The following MCM9 variants were observed in gnomAD, a reference collection of about 807,000 sequenced individuals.
MCM9 encodes DNA helicase MCM9.
Under a neutral mutation model 72.8 loss-of-function variants are expected in MCM9, and 55 were observed. The ratio of observed to expected loss-of-function variants is 0.76; its 90% confidence interval spans 0.61 to 0.95. The LOEUF (loss-of-function observed/expected upper bound fraction) is 0.95, where lower values mean the gene tolerates loss of function less well. MCM9 is among the 40% of genes least tolerant of loss of function. The pLI is 0.00. For missense variants in MCM9, 1,279 were observed against 1,377.0 expected (o/e 0.93, Z 1.13); for synonymous variants, 480 against 503.4 (o/e 0.95, Z 0.62).
At chr6:118,876,431 G>A (rs1414315396) in intron 8 of MCM9, among the ~76,000 whole-genome samples, 1 of 152,178 alleles carries the variant, frequency 6.6e-6, no homozygotes, top group Non-Finnish European at 1.5e-5. Flanking sequence ...TGTAATGAAT[G>A]TACCACTCTG....
intron 8 of MCM9, chr6:118,894,193 T>C (rs558559674): frequency 3.7e-6 from 5 of 1,335,464 alleles, no homozygotes; most frequent in African/African-American, 3.0e-5. Flanking sequence ...CTGCTACTTA[T>C]CAGAGCAGAA....
intron 9 of MCM9, among the ~76,000 whole-genome samples, chr6:118,835,857 T>C (rs190809369): frequency 6.4e-4 from 98 of 152,344 alleles, no homozygotes; most frequent in African/African-American, 2.1e-3. Context: ...CTAGCCTGAT[T>C]GTCCTGGCCA....
At chr6:118,870,293 C>T (rs1397797498) in intron 8 of MCM9, among the ~76,000 whole-genome samples, 2 of 152,124 alleles carry the variant, frequency 1.3e-5, no homozygotes, top group East Asian at 1.9e-4. Flanking sequence ...GAATTCATAT[C>T]AAGTATCTTT....
At chr6:118,821,416 G>T (rs1403018814) in intron 13 of MCM9, among the ~76,000 whole-genome samples, 1 of 152,264 alleles carries the variant, frequency 6.6e-6, no homozygotes, top group Admixed American at 6.5e-5. Flanking sequence ...ATTCTGGGTT[G>T]AAAATTCTTT....
intron 9 of MCM9, among the ~76,000 whole-genome samples, chr6:118,842,756 G>C (rs1382389133): frequency 6.6e-6 from 1 of 152,026 alleles, no homozygotes; most frequent in African/African-American, 2.4e-5. Context: ...CGAGCCTCAA[G>C]TGATCCTCTG....
chr6:118,826,387 G>T (rs1774168734), intron 12 of MCM9, 95 bp from the exon 13 acceptor site: 2 of 1,307,050 alleles, frequency 1.5e-6, no homozygotes, highest in East Asian at 2.5e-5. Context: ...GGCTAAGACC[G>T]CCGTTTACAC....
chr6:118,911,804 C>A (rs757159228), intron 7 of MCM9, 35 bp from the exon 8 acceptor site: 1 of 1,523,900 alleles, frequency 6.6e-7, no homozygotes. Flanking sequence ...TTTTAAATTT[C>A]TATAAAAGGG....
At chr6:118,887,565 G>C (rs2114429551) in intron 8 of MCM9, among the ~76,000 whole-genome samples, 1 of 152,186 alleles carries the variant, frequency 6.6e-6, no homozygotes, top group South Asian at 2.1e-4. Context: ...CGCTGGATTA[G>C]GCAATGGTTT....
intron 13 of MCM9, 85 bp from the exon 14 acceptor site, chr6:118,816,379 C>G: frequency 1.7e-6 from 2 of 1,180,446 alleles, no homozygotes; most frequent in Non-Finnish European, 2.3e-6. Flanking sequence ...CTCTGAGATA[C>G]CATCTTAAAG....
intron 9 of MCM9, among the ~76,000 whole-genome samples, chr6:118,852,798 T>A (rs1308471823): frequency 6.6e-6 from 1 of 152,196 alleles, no homozygotes; most frequent in Non-Finnish European, 1.5e-5. Flanking sequence ...CCTTCTATAG[T>A]CATTCTCTTC....
rs564175402 is a variant in MCM9, at chr6:118,816,163, C to T, written c.2093G>A (p.Ser698Asn). The change falls in exon 14 of 14, where the codon AGC becomes AAC. Residue 698 changes from serine (S) to asparagine (N), a missense_variant. Transcript: ENST00000619706. ...GCCTCCAGGAGAGAAGATATGTGTGCTATAGTTGATTTCCTGCTGTGATGA... is the reference window on the plus strand; with the variant it reads ...GCCTCCAGGAGAGAAGATATGTGTGTTATAGTTGATTTCCTGCTGTGATGA... ...RTSSQQEINY[S>N]THIFSPGGSP... 3.4e-5 allele frequency: 52 copies of T among 1,550,478 alleles called. No individual in the cohort carries two copies. The South Asian group carries it at 5.7e-4, about 17-fold the overall frequency.
intron 13 of MCM9, among the ~76,000 whole-genome samples, chr6:118,824,031 C>G (rs565049138): frequency 8.5e-5 from 11 of 129,172 alleles, no homozygotes; most frequent in Non-Finnish European, 1.6e-4. Flanking sequence ...ATAAGCAAAC[C>G]CACCTTTTTT....
At chr6:118,864,560 C>CT (rs1777099419) in intron 8 of MCM9, among the ~76,000 whole-genome samples, 1 of 151,826 alleles carries the variant, frequency 6.6e-6, no homozygotes, top group South Asian at 2.1e-4. Context: ...CACTGGGCGA[C>CT]TAAGAAAATT....
rs1042149793 is a variant in MCM9 at position 118,842,113 on chromosome 6, G to A, written c.1326-12863C>T. ...CTCACAAAGTGCTGGCATTACAGGC[G>A]TGAGACACCGTGCCCGGCCTATCTT... On this transcript the variant is annotated intron_variant, in intron 9 of 13. Transcript: ENST00000619706. Among the ~76,000 whole-genome samples, 20 of 152,300 alleles carry A rather than the reference G, an allele frequency of 1.3e-4. No homozygotes were observed. The East Asian group carries it at 3.3e-3, about 25-fold the overall frequency.
intron 8 of MCM9, chr6:118,910,827 A>G: frequency 5.1e-6 from 5 of 985,360 alleles, no homozygotes; most frequent in Non-Finnish European, 6.0e-6. Context: ...CCACTTATAC[A>G]GGACCATTAA....
At chr6:118,826,343 G>A (rs1338437100) in intron 12 of MCM9, 51 bp from the exon 13 acceptor site, 21 of 1,525,808 alleles carry the variant, frequency 1.4e-5, no homozygotes, top group Admixed American at 2.1e-5. Flanking sequence ...CCTGCATAGC[G>A]GTAAGTACAC....
Position 118,829,264 on chromosome 6 carries a change from C to CA in MCM9, c.1326-15dup. The CA allele has an allele frequency of 6.5e-7, 1 of 1,531,842 alleles. No homozygotes were observed. Among genetic ancestry groups the CA allele is most frequent in the Admixed American group, 2.0e-5 (1 of 48,966 alleles). 94.9% of individuals were successfully genotyped at this position (1,531,842 alleles called of 1,614,324 possible). On this transcript the variant is annotated splice_polypyrimidine_tract_variant and intron_variant, in intron 9 of 13. Transcript: ENST00000619706. ...TTGCACACGAGGCTGCCAGGAGAGA[C>CA]AGTACAATTCACTGATTGTGAGGTT...
intron 9 of MCM9, among the ~76,000 whole-genome samples, chr6:118,836,636 A>G (rs181624115): frequency 2.6e-5 from 4 of 152,192 alleles, no homozygotes; most frequent in African/African-American, 9.6e-5. Flanking sequence ...TTTCTGTAGA[A>G]GTATTTATAG....
At chr6:118,817,267 T>G (rs1773468703) in intron 13 of MCM9, among the ~76,000 whole-genome samples, 1 of 152,034 alleles carries the variant, frequency 6.6e-6, no homozygotes, top group South Asian at 2.1e-4. Context: ...TAGGTATTTG[T>G]CCTAATGCTC....
Sources: gnomAD v4.1 joint callset for allele counts (sites outside exome capture counted in the v4.1 genomes callset) on GRCh38, gnomAD v4.1.1 for gene constraint, MANE v1.5 for transcripts, NCBI Gene and HGNC (gene_info 2026-07-23, HGNC 2026-07-21) for gene names.